Variants in RALY observed in about 807,000 individuals in gnomAD.
RALY encodes the protein RALY heterogeneous nuclear ribonucleoprotein, also known as RNA-binding protein Raly.
RALY carries 15 observed loss-of-function variants against 30.7 expected under a neutral mutation model. That is an observed-to-expected ratio of 0.49 (90% CI 0.33 to 0.75). RALY has a LOEUF of 0.75. Among genes scored for constraint, RALY ranks in the 30% least tolerant of loss-of-function variants. RALY has a pLI of 0.02. For synonymous variants in RALY, 177 were observed against 170.8 expected, an observed-to-expected ratio of 1.04 and a Z score of -0.28; for missense variants, 339 against 414.3, an observed-to-expected ratio of 0.82 and a Z score of 1.58.
intron 2 of RALY, among the ~76,000 whole-genome samples, chr20:34,060,212 C>A (rs946043547): frequency 2.6e-5 from 4 of 152,148 alleles, no homozygotes; most frequent in African/African-American, 9.7e-5. Context: ...TTTATACTCA[C>A]ATGGAAAAGT....
At position 34,077,035 on chromosome 20, in the gene RALY, G is replaced by A. The variant is rs2033901201; in HGVS notation, c.666G>A (p.Lys222=). The part of the protein sequence containing the change: ...AAEQKANPDG[K]KKGDGGGAGG... ...CCACCCCTTCCCCTCAAGATGGCAA[G>A]AAGAAGGGTGATGGAGGTGGCGCCG... Residue 222 remains lysine (K), a synonymous_variant, in exon 8 of 10, where the codon AAG becomes AAA. Coordinates refer to ENST00000246194, the MANE Select transcript of RALY (RefSeq NM_016732.3). The A allele has an allele frequency of 1.2e-6, 2 of 1,605,650 alleles. No individual in the cohort carries two copies. The highest frequency in any genetic ancestry group is 8.5e-7 in the Non-Finnish European group (1 of 1,177,632).
intron 2 of RALY, among the ~76,000 whole-genome samples, chr20:34,033,657 G>A (rs979068121): frequency 2.0e-5 from 3 of 152,030 alleles, no homozygotes; most frequent in Non-Finnish European, 4.4e-5. Context: ...TATTCATGAG[G>A]GATCTGCCCC....
At chr20:34,024,140 T>C (rs2031931777) in intron 1 of RALY, among the ~76,000 whole-genome samples, 1 of 152,140 alleles carries the variant, frequency 6.6e-6, no homozygotes, top group Admixed American at 6.5e-5. Flanking sequence ...CTTACCTCCC[T>C]TTTTATAAAA....
At chr20:34,016,192 C>A (rs1318964364) in intron 1 of RALY, among the ~76,000 whole-genome samples, 1 of 152,190 alleles carries the variant, frequency 6.6e-6, no homozygotes, top group African/African-American at 2.4e-5. Flanking sequence ...TCACCACCAC[C>A]CCTTAGGTTT....
chr20:34,021,539 C>G (rs1196074341), intron 1 of RALY, among the ~76,000 whole-genome samples: 2 of 152,152 alleles, frequency 1.3e-5, no homozygotes, highest in African/African-American at 4.8e-5. Context: ...TTAATCCATT[C>G]ATGAAGGCAG....
rs1291734466 is a variant in RALY, at chr20:34,082,900, TGAAA to T, written c.*2997_*3000del. 6.6e-6 allele frequency: 1 copy of T among 152,246 alleles called. No individual in the cohort carries two copies. The highest frequency in any genetic ancestry group is 2.4e-5 in the African/African-American group (1 of 41,468). The allele number at this position is 152,246 out of a possible 1,614,324, so 9.4% of individuals were successfully genotyped here. A position where few individuals can be genotyped will look rare whatever the true frequency, so the allele number is the denominator to read the frequency against. ...GATCAGTCTTTAGATGTTTTCAGAT[TGAAA>T]GCCTCATTTGTGATCCTCACAGCCA... On this transcript the variant is annotated 3_prime_UTR_variant, in exon 10 of 10. Transcript: ENST00000246194.
chr20:34,078,466 A>G (rs375694141), intron 8 of RALY, 39 bp from the exon 9 acceptor site: 145 of 1,527,310 alleles, frequency 9.5e-5, no homozygotes, highest in Non-Finnish European at 1.2e-4. Flanking sequence ...AGAGCTGGCA[A>G]TGAGTGATGT....
intron 2 of RALY, among the ~76,000 whole-genome samples, chr20:34,035,832 G>A (rs2123115215): frequency 6.6e-6 from 1 of 152,306 alleles, no homozygotes; most frequent in East Asian, 1.9e-4. Flanking sequence ...TAAGGGAATA[G>A]GGAGACACTG....
chr20:34,077,224 G>T lies in RALY; in HGVS notation c.855G>T (p.Leu285=). ...TRDDGDEEGL[L]THSEEELEHS... ...ACGACGGCGATGAGGAAGGGCTCCTGACACACAGCGAGGAAGAGCTGGTGA... is the reference window on the plus strand; with the variant it reads ...ACGACGGCGATGAGGAAGGGCTCCTTACACACAGCGAGGAAGAGCTGGTGA... The change falls in exon 8 of 10, where the codon CTG becomes CTT. Residue 285 remains leucine (L), a synonymous_variant. Transcript: ENST00000246194. 1.2e-6 allele frequency: 2 copies of T among 1,613,822 alleles called. No homozygotes were observed. The highest frequency in any genetic ancestry group is 1.7e-6 in the Non-Finnish European group (2 of 1,179,864).
intron 1 of RALY, among the ~76,000 whole-genome samples, chr20:34,030,199 A>G (rs2032216895): frequency 6.6e-6 from 1 of 152,230 alleles, no homozygotes; most frequent in African/African-American, 2.4e-5. Flanking sequence ...TAAGAGGGCA[A>G]GCCCTGGAGT....
intron 1 of RALY, among the ~76,000 whole-genome samples, chr20:34,009,092 A>C (rs931437244): frequency 2.0e-5 from 3 of 152,080 alleles, no homozygotes; most frequent in African/African-American, 7.2e-5. Flanking sequence ...AAAAGGAGGA[A>C]GATTTTTGAG....
chr20:34,083,339 C>CCA lies in RALY; in HGVS notation c.*3438_*3439dup, dbSNP rs2034059117. On this transcript the variant is annotated 3_prime_UTR_variant, in exon 10 of 10. Transcript: ENST00000246194. ...TCAGGTGGTTGGCTGGGCAACTGGGCCACACGTTCCAGCATCTAGCAGGCT... is the reference window on the plus strand; with the variant it reads ...TCAGGTGGTTGGCTGGGCAACTGGGCCACACACGTTCCAGCATCTAGCAGGCT... The CCA allele has an allele frequency of 6.6e-6, 1 of 152,176 alleles. No homozygotes were observed. Among genetic ancestry groups the CCA allele is most frequent in the Admixed American group, 6.5e-5 (1 of 15,270 alleles). The allele number at this position is 152,176 out of a possible 1,614,324, so 9.4% of individuals were successfully genotyped here. A position where few individuals can be genotyped will look rare whatever the true frequency, so the allele number is the denominator to read the frequency against.
intron 3 of RALY, among the ~76,000 whole-genome samples, chr20:34,072,807 C>G (rs2033764917): frequency 6.6e-6 from 1 of 152,134 alleles, no homozygotes; most frequent in African/African-American, 2.4e-5. Context: ...TGTGCATTTA[C>G]TCCTGTGTAT....
chr20:34,024,709 G>C (rs1330820217), intron 1 of RALY, among the ~76,000 whole-genome samples: 2 of 152,260 alleles, frequency 1.3e-5, no homozygotes, highest in East Asian at 3.9e-4. Flanking sequence ...GGGAGTATGG[G>C]AGGGTTTTAC....
At chr20:34,017,637 A>C (rs948928245) in intron 1 of RALY, 1 of 152,226 alleles carries the variant, frequency 6.6e-6, no homozygotes, top group Non-Finnish European at 1.5e-5. Context: ...ATTTGGGATC[A>C]ATGGGAAGGT....
chr20:34,074,967 T>C (rs1219470753), intron 5 of RALY, among the ~76,000 whole-genome samples: 2 of 152,168 alleles, frequency 1.3e-5, no homozygotes, highest in Non-Finnish European at 2.9e-5. Flanking sequence ...ACCCAAAGTT[T>C]ACCCCCTGGG....
intron 2 of RALY, among the ~76,000 whole-genome samples, chr20:34,063,647 G>C (rs1439894254): frequency 1.3e-5 from 2 of 152,166 alleles, no homozygotes; most frequent in Non-Finnish European, 2.9e-5. Flanking sequence ...CATCTATCCA[G>C]GGAAGCAGGA....
intron 1 of RALY, among the ~76,000 whole-genome samples, chr20:34,002,760 T>C (rs977618680): frequency 5.3e-5 from 8 of 152,314 alleles, no homozygotes; most frequent in East Asian, 3.9e-4. Context: ...TGTCCAGATA[T>C]CTGCATCTGG....
At chr20:34,003,670 C>T (rs1053341916) in intron 1 of RALY, among the ~76,000 whole-genome samples, 1 of 130,610 alleles carries the variant, frequency 7.7e-6, no homozygotes, top group Admixed American at 8.2e-5. Context: ...GACGGAGTCT[C>T]GCTCTGTCGC....
Sources: gnomAD v4.1 joint callset for allele counts (sites outside exome capture counted in the v4.1 genomes callset) on GRCh38, gnomAD v4.1.1 for gene constraint, MANE v1.5 for transcripts, NCBI Gene and HGNC (gene_info 2026-07-23, HGNC 2026-07-21) for gene names.